The following NPHP1 variants were observed in gnomAD, a reference collection of about 807,000 sequenced individuals.
The protein encoded by NPHP1 is nephrocystin-1.
NPHP1 carries 70 observed loss-of-function variants against 90.4 expected under a neutral mutation model. That is an observed-to-expected ratio of 0.77 (90% confidence interval 0.64 to 0.95). The LOEUF (loss-of-function observed/expected upper bound fraction) is 0.95, where lower values mean the gene tolerates loss of function less well. NPHP1 is among the 40% of genes least tolerant of loss of function. The pLI, the probability that NPHP1 is intolerant of heterozygous loss-of-function variation, is 0.00. For missense variants in NPHP1, 764 were observed against 795.9 expected (o/e 0.96, Z 0.48); for synonymous variants, 256 against 271.7 (o/e 0.94, Z 0.57).
chr2:110,168,521 T>G lies in NPHP1; in HGVS notation c.555A>C (p.Lys185Asn), dbSNP rs749606788. The change falls in exon 6 of 20, where the codon AAA becomes AAC. Residue 185 changes from lysine (K) to asparagine (N), a missense_variant. Coordinates refer to ENST00000445609, the MANE Select transcript of NPHP1 (RefSeq NM_001128178.3). ...KGEILLVIEK[K>N]PDGWWIAKDA... ...CCTTAGCTATCCACCAACCATCAGG[T>G]TTTTTTTCAATTACAAGGAGAATTT... The G allele has an allele frequency of 1.2e-6, 2 of 1,611,516 alleles. No homozygotes were observed. Among genetic ancestry groups the G allele is most frequent in the Non-Finnish European group, 1.7e-6 (2 of 1,177,956 alleles).
intron 4 of NPHP1, among the ~76,000 whole-genome samples, chr2:110,176,809 C>G (rs1249524295): frequency 6.6e-6 from 1 of 152,158 alleles, no homozygotes; most frequent in African/African-American, 2.4e-5. Context: ...GGTACAAACT[C>G]CAGTGTTTTT....
At chr2:110,139,546 G>T (rs1352584515) in intron 16 of NPHP1, among the ~76,000 whole-genome samples, 1 of 152,194 alleles carries the variant, frequency 6.6e-6, no homozygotes, top group Admixed American at 6.5e-5. Flanking sequence ...ATTTTCACAG[G>T]ATTCCTGATA....
intron 11 of NPHP1, among the ~76,000 whole-genome samples, chr2:110,150,818 G>A (rs974360782): frequency 6.6e-6 from 1 of 151,492 alleles, no homozygotes; most frequent in African/African-American, 2.4e-5. Context: ...CCAAAGTGCT[G>A]GGATTACAGG....
intron 11 of NPHP1, among the ~76,000 whole-genome samples, chr2:110,154,020 G>A (rs1681700162): frequency 6.6e-6 from 1 of 151,724 alleles, no homozygotes; most frequent in African/African-American, 2.4e-5. Flanking sequence ...CACAGGAAGT[G>A]ATAGGTTTCA....
At chr2:110,203,054 A>T (rs1685675578) in intron 1 of NPHP1, among the ~76,000 whole-genome samples, 2 of 152,184 alleles carry the variant, frequency 1.3e-5, no homozygotes, top group African/African-American at 2.4e-5. Context: ...GGATAAAGAA[A>T]ATGTGGTACA....
chr2:110,175,448 C>T (rs998026157), intron 4 of NPHP1, among the ~76,000 whole-genome samples: 2 of 152,074 alleles, frequency 1.3e-5, no homozygotes, highest in Non-Finnish European at 2.9e-5. Context: ...CTTTATTTCA[C>T]TTTAATTTTT....
chr2:110,191,567 G>A (rs1009421545), intron 2 of NPHP1, among the ~76,000 whole-genome samples: 3 of 152,306 alleles, frequency 2.0e-5, no homozygotes, highest in Admixed American at 1.3e-4. Context: ...CCTCTTTAGA[G>A]TCCACCTCTG....
intron 11 of NPHP1, among the ~76,000 whole-genome samples, chr2:110,152,669 A>G (rs1681573982): frequency 6.6e-6 from 1 of 151,956 alleles, no homozygotes; most frequent in African/African-American, 2.4e-5. Context: ...GTAGGAGGAC[A>G]AAGACATAGC....
intron 2 of NPHP1, among the ~76,000 whole-genome samples, chr2:110,187,694 C>T (rs1008573479): frequency 1.4e-4 from 21 of 152,230 alleles, no homozygotes; most frequent in Non-Finnish European, 2.9e-4. Context: ...GATACCAAAA[C>T]CTGGGAGAGA....
intron 16 of NPHP1, among the ~76,000 whole-genome samples, chr2:110,142,630 G>A (rs1389183572): frequency 2.6e-5 from 4 of 152,024 alleles, no homozygotes; most frequent in African/African-American, 9.7e-5. Context: ...GCAATTATAG[G>A]TGTGAGCCAC....
intron 10 of NPHP1, 85 bp from the exon 11 acceptor site, chr2:110,160,340 G>A (rs1249386110): frequency 8.0e-6 from 9 of 1,120,978 alleles, no homozygotes; most frequent in Middle Eastern, 2.2e-4. Context: ...TTATGAAAAT[G>A]TATACAGAAT....
At chr2:110,160,376 T>A (rs1574118430) in intron 10 of NPHP1, 121 bp from the exon 11 acceptor site, 1 of 713,614 alleles carries the variant, frequency 1.4e-6, no homozygotes, top group Non-Finnish European at 2.3e-6. Context: ...AATTTACACA[T>A]ATACAATAAA....
chr2:110,183,944 TAACA>T (rs1684093435), intron 2 of NPHP1: 1 of 333,938 alleles, frequency 3.0e-6, no homozygotes, highest in Non-Finnish European at 5.9e-6. Flanking sequence ...ACTGAAATTA[TAACA>T]AACAGACCAA....
At chr2:110,178,641 C>A in intron 3 of NPHP1, 94 bp from the exon 4 acceptor site, 2 of 1,115,690 alleles carry the variant, frequency 1.8e-6, no homozygotes, top group South Asian at 1.5e-5. Context: ...TGCTATATAA[C>A]AAAGTAAATA....
chr2:110,186,464 C>A (rs534771244), intron 2 of NPHP1, among the ~76,000 whole-genome samples: 1 of 152,066 alleles, frequency 6.6e-6, no homozygotes, highest in Non-Finnish European at 1.5e-5. Flanking sequence ...AGGGAGAGGG[C>A]CAGACCAGAG....
At chr2:110,190,952 T>C (rs1419190391) in intron 2 of NPHP1, among the ~76,000 whole-genome samples, 3 of 152,118 alleles carry the variant, frequency 2.0e-5, no homozygotes, top group Non-Finnish European at 4.4e-5. Flanking sequence ...AAGTACCATC[T>C]CATGCCAGTC....
rs1682999327 is a variant in NPHP1, at chr2:110,169,918, T to C, written c.410A>G (p.Glu137Gly). 1 of 1,607,116 alleles carries C rather than the reference T, an allele frequency of 6.2e-7. No individual in the cohort carries two copies. The highest frequency in any genetic ancestry group is 1.1e-5 in the South Asian group (1 of 90,934). ...EDSGGEEEDA[E>G]EEEEEKEENE... ...TTCCTCTTTCTCTTCCTCTTCCTCC[T>C]CTGCATCTTCTTCCTCCCCACCACT... Residue 137 changes from glutamate to glycine, a missense_variant, in exon 5 of 20, where the codon GAG (glutamate) becomes GGG (glycine). By Grantham distance (98) the Glu-to-Gly change is moderately conservative. Transcript: ENST00000445609.
chr2:110,173,746 T>A (rs150397777), intron 4 of NPHP1, among the ~76,000 whole-genome samples: 1 of 152,282 alleles, frequency 6.6e-6, no homozygotes, highest in Admixed American at 6.5e-5. Context: ...TGTACAATGA[T>A]GAAATCACTT....
In NPHP1 at chr2:110,123,747, T is replaced by G. The variant is rs1254708849; in HGVS notation, c.*44A>C. On this transcript the variant is annotated 3_prime_UTR_variant, in exon 20 of 20. Coordinates refer to ENST00000445609, the MANE Select transcript of NPHP1 (RefSeq NM_001128178.3). ...ATTTTATTCACGTAATCGTGGAGGATCCATCTGATTCCGTGGGAAGCTGAG... is the reference window on the plus strand; with the variant it reads ...ATTTTATTCACGTAATCGTGGAGGAGCCATCTGATTCCGTGGGAAGCTGAG... 1.3e-6 allele frequency: 2 copies of G among 1,594,308 alleles called. No individual in the cohort carries two copies. The highest frequency in any genetic ancestry group is 1.1e-5 in the South Asian group (1 of 90,618).
Sources: allele counts gnomAD v4.1 joint callset (sites outside exome capture counted in the v4.1 genomes callset), GRCh38; gene constraint gnomAD v4.1.1; transcripts MANE v1.5; gene names NCBI Gene and HGNC (gene_info 2026-07-23, HGNC 2026-07-21).